Variants in CLSTN2 observed in about 807,000 individuals in gnomAD.
The protein encoded by CLSTN2 is calsyntenin 2, also known as calsyntenin-2.
A neutral mutation model predicts 101.2 loss-of-function variants in CLSTN2; 48 were observed. The observed-to-expected ratio is 0.47, with a 90% CI of 0.38 to 0.60. The LOEUF (loss-of-function observed/expected upper bound fraction) is 0.60. Ranked by LOEUF, CLSTN2 falls within the 20% of genes least tolerant of loss-of-function variation. The probability of loss-of-function intolerance (pLI) is 0.00; values close to 1 mark genes in which losing one functional copy is unlikely to be tolerated. For missense variants in CLSTN2, 1,160 were observed against 1,238.2 expected (o/e 0.94, Z 0.95); for synonymous variants, 481 against 463.6 (o/e 1.04, Z -0.48).
At chr3:140,377,689 G>T (rs2087931999) in intron 2 of CLSTN2, among the ~76,000 whole-genome samples, 1 of 152,088 alleles carries the variant, frequency 6.6e-6, no homozygotes, top group Non-Finnish European at 1.5e-5. Flanking sequence ...TAAGCTCAGT[G>T]TTACAAAACT....
chr3:140,294,891 A>G (rs2086988523), intron 2 of CLSTN2, among the ~76,000 whole-genome samples: 2 of 152,146 alleles, frequency 1.3e-5, no homozygotes, highest in Non-Finnish European at 2.9e-5. Flanking sequence ...TTTCATGGGG[A>G]GAAGGGGGTG....
At chr3:140,446,851 A>G (rs1238515032) in intron 5 of CLSTN2, among the ~76,000 whole-genome samples, 2 of 152,172 alleles carry the variant, frequency 1.3e-5, no homozygotes, top group Non-Finnish European at 2.9e-5. Flanking sequence ...TTCCTTTCAT[A>G]GCACTTACTC....
intron 2 of CLSTN2, among the ~76,000 whole-genome samples, chr3:140,375,142 G>A (rs923119187): frequency 6.6e-6 from 1 of 152,130 alleles, no homozygotes; most frequent in Non-Finnish European, 1.5e-5. Context: ...TGTAGCTGAG[G>A]GGAAGTGTAG....
chr3:140,509,782 C>T (rs1207810518), intron 8 of CLSTN2, among the ~76,000 whole-genome samples: 5 of 152,150 alleles, frequency 3.3e-5, no homozygotes, highest in African/African-American at 4.8e-5. Flanking sequence ...ACATCAACAC[C>T]GTCAGCTCTA....
chr3:140,057,045 T>C (rs935687268), intron 1 of CLSTN2, among the ~76,000 whole-genome samples: 1 of 152,200 alleles, frequency 6.6e-6, no homozygotes, highest in African/African-American at 2.4e-5. Context: ...GCAGCTTCAA[T>C]AGGGATTTTC....
chr3:140,086,585 C>T (rs1404690904), intron 1 of CLSTN2, among the ~76,000 whole-genome samples: 1 of 152,174 alleles, frequency 6.6e-6, no homozygotes, highest in Non-Finnish European at 1.5e-5. Context: ...TTCAATCCAA[C>T]AGGAGTTAAA....
chr3:140,545,620 G>A (rs926192013), intron 9 of CLSTN2, among the ~76,000 whole-genome samples: 1 of 152,210 alleles, frequency 6.6e-6, no homozygotes, highest in Non-Finnish European at 1.5e-5. Context: ...AAATCAGTGA[G>A]GAAGGTCTCC....
intron 2 of CLSTN2, among the ~76,000 whole-genome samples, chr3:140,397,313 G>A (rs2088193387): frequency 6.6e-6 from 1 of 151,846 alleles, no homozygotes; most frequent in Non-Finnish European, 1.5e-5. Flanking sequence ...GAAAGGAAGT[G>A]GTATTTTAAT....
At chr3:140,175,305 T>A (rs998903901) in intron 1 of CLSTN2, among the ~76,000 whole-genome samples, 4 of 151,170 alleles carry the variant, frequency 2.6e-5, no homozygotes, top group African/African-American at 9.7e-5. Context: ...ATTCAGCTAG[T>A]CAAATTATTG....
intron 1 of CLSTN2, among the ~76,000 whole-genome samples, chr3:140,079,712 C>T (rs973994497): frequency 6.7e-6 from 1 of 149,482 alleles, no homozygotes; most frequent in Non-Finnish European, 1.5e-5. Flanking sequence ...GGTTGTGCCA[C>T]TGCACTCCAG....
In CLSTN2 at chr3:140,012,201, G is replaced by A. The variant is rs947338351; in HGVS notation, c.109+76718G>A. The stretch of plus-strand genomic sequence containing the variant: ...TGAGTGCTCAAAAAGCACTTGCAAG[G>A]AGAATGCCAAGAGAAGGGAGGAAGG... On this transcript the variant is annotated intron_variant, in intron 1 of 16. Coordinates refer to ENST00000458420, the MANE Select transcript of CLSTN2 (RefSeq NM_022131.3). Among the ~76,000 whole-genome samples the A allele has an allele frequency of 1.3e-4, 20 of 152,098 alleles. 1 individual carries two copies.
Position 140,572,155 on chromosome 3 carries a change from G to A in CLSTN2, c.*5902G>A, listed in dbSNP as rs1985576530. 1 of 152,218 alleles carries A rather than the reference G, an allele frequency of 6.6e-6. No individual in the cohort carries two copies. Among genetic ancestry groups the A allele is most frequent in the African/African-American group, 2.4e-5 (1 of 41,428 alleles). The allele number at this position is 152,218 out of a possible 1,614,324, so 9.4% of individuals were successfully genotyped here. A position where few individuals can be genotyped will look rare whatever the true frequency, so the allele number is the denominator to read the frequency against. On this transcript the variant is annotated 3_prime_UTR_variant, in exon 17 of 17. Coordinates refer to ENST00000458420, the MANE Select transcript of CLSTN2 (RefSeq NM_022131.3). ...GGGGACAGAAGTTTAGTGTTAGGGA[G>A]GCAGGGTAACTTGCTTTGACAGCTA...
intron 1 of CLSTN2, among the ~76,000 whole-genome samples, chr3:140,141,331 T>A (rs1315224516): frequency 6.6e-6 from 1 of 152,180 alleles, no homozygotes; most frequent in African/African-American, 2.4e-5. Flanking sequence ...TTCTGCCTCT[T>A]GCTTTGACCA....
intron 2 of CLSTN2, among the ~76,000 whole-genome samples, chr3:140,215,770 C>T (rs575342321): frequency 4.1e-4 from 62 of 152,242 alleles, no homozygotes; most frequent in African/African-American, 1.4e-3. Flanking sequence ...CCTTTCAAAC[C>T]GCATTGTTAT....
chr3:140,354,814 A>G (rs576446292), intron 2 of CLSTN2, among the ~76,000 whole-genome samples: 1 of 152,322 alleles, frequency 6.6e-6, no homozygotes, highest in Non-Finnish European at 1.5e-5. Context: ...CTTCCCTGCC[A>G]TGTTTCCCTC....
chr3:139,998,387 G>A (rs1288903891), intron 1 of CLSTN2, among the ~76,000 whole-genome samples: 5 of 67,426 alleles, frequency 7.4e-5, no homozygotes, highest in Non-Finnish European at 1.3e-4. Context: ...CGCCCAGGCT[G>A]GAGTGCAGTG....
chr3:140,363,166 T>C (rs1477023891), intron 2 of CLSTN2, among the ~76,000 whole-genome samples: 1 of 152,190 alleles, frequency 6.6e-6, no homozygotes, highest in Non-Finnish European at 1.5e-5. Context: ...AAATTACTAA[T>C]AAACAGTACA....
chr3:139,935,293 C>T lies in CLSTN2; in HGVS notation c.-82C>T, dbSNP rs1934999651. 1 of 732,688 alleles carries T rather than the reference C, an allele frequency of 1.4e-6. No individual in the cohort carries two copies. The highest frequency in any genetic ancestry group is 1.8e-5 in the African/African-American group (1 of 54,444). The allele number at this position is 732,688 out of a possible 1,614,324, so 45.4% of individuals were successfully genotyped here. The stretch of plus-strand genomic sequence containing the variant: ...CACCCATCGGGCACGGCGAGGCGGC[C>T]CACGGTGCGGCAGGCACCGGGAGGC... On this transcript the variant is annotated 5_prime_UTR_variant, in exon 1 of 17. Transcript: ENST00000458420. The surrounding 1 kb of genome is among the most constrained non-coding windows in gnomAD (Gnocchi z 5.5).
intron 1 of CLSTN2, among the ~76,000 whole-genome samples, chr3:140,046,397 CTG>C (rs2007881213): frequency 6.6e-6 from 1 of 152,112 alleles, no homozygotes; most frequent in Non-Finnish European, 1.5e-5. Context: ...TATTTTGAGC[CTG>C]TGTGTGTCTC....
Sources: gnomAD v4.1 joint callset for allele counts (sites outside exome capture counted in the v4.1 genomes callset) on GRCh38, gnomAD v4.1.1 for gene constraint, Gnocchi (gnomAD v3.1) non-coding constraint, MANE v1.5 for transcripts, NCBI Gene and HGNC (gene_info 2026-07-23, HGNC 2026-07-21) for gene names.